The following ZNF469 variants were observed in gnomAD, a reference collection of about 807,000 sequenced individuals.
ZNF469 encodes the protein zinc finger protein 469.
ZNF469 carries 1 observed loss-of-function variant against 1.0 expected under a neutral mutation model. The observed-to-expected ratio is 1.00, with a 90% CI of 0.35 to 4.73. ZNF469 has a LOEUF of 4.73. Among genes scored for constraint, ZNF469 ranks in the 30% most tolerant of loss-of-function variants. The probability of loss-of-function intolerance (pLI) is 0.16; values close to 1 mark genes in which losing one functional copy is unlikely to be tolerated. For synonymous variants in ZNF469, 2,703 were observed against 2,363.4 expected, an observed-to-expected ratio of 1.14 and a Z score of -4.17; for missense variants, 6,100 against 5,356.3, an observed-to-expected ratio of 1.14 and a Z score of -4.33.
chr16:88,251,869 T>A, the ZNF469 span, among the ~76,000 whole-genome samples: 9 of 152,066 alleles, frequency 5.9e-5, no homozygotes, highest in East Asian at 1.5e-3. Flanking sequence ...CCTGCTCTCT[T>A]CTTATGGCTC....
chr16:88,429,216 G>T lies in ZNF469; in HGVS notation c.1746G>T (p.Arg582Ser). 1 of 1,549,684 alleles carries T rather than the reference G, an allele frequency of 6.5e-7. No homozygotes were observed. Residue 582 changes from arginine to serine, a missense_variant, in exon 3 of 3, where the codon AGG (arginine) becomes AGT (serine). Transcript: ENST00000565624. The stretch of plus-strand genomic sequence containing the variant: ...GGACACCCAGCCTGCCCCCACCGAG[G>T]GTAGTGGGAGCCTCCCCCAGCGAGT... ...PHGTPSLPPP[R>S]VVGASPSESP...
the ZNF469 span, among the ~76,000 whole-genome samples, chr16:88,142,909 G>A: frequency 2.0e-5 from 3 of 152,214 alleles, no homozygotes; most frequent in Admixed American, 1.3e-4. Context: ...ACGCACAGGG[G>A]CCTGAGAGCA....
chr16:88,430,928 C>T lies in ZNF469; in HGVS notation c.3458C>T (p.Ala1153Val), dbSNP rs779180717. The T allele has an allele frequency of 1.6e-5, 25 of 1,536,308 alleles. 1 individual carries two copies. In the South Asian group the frequency reaches 2.5e-4, roughly 15 times the overall value. The change falls in exon 3 of 3, where the codon GCG becomes GTG. Residue 1153 changes from alanine to valine, a missense_variant. By Grantham distance (64) the Ala-to-Val change is moderately conservative. Transcript: ENST00000565624. ...GAAGCCGGCGGGGACGGAGCCCCCG[C>T]GAACCCCGAGGAGCCGGGCGGGTCT... ...RQEAGGDGAPANPEEPGGSRP... is the reference protein window; with the variant it reads ...RQEAGGDGAPVNPEEPGGSRP...
chr16:88,431,225 G>A lies in ZNF469; in HGVS notation c.3755G>A (p.Cys1252Tyr), dbSNP rs1296256581. The A allele has an allele frequency of 6.4e-7, 1 of 1,550,400 alleles. No homozygotes were observed. The highest frequency in any genetic ancestry group is 1.2e-5 in the South Asian group (1 of 84,070). ...GCTTTGCGTTCTCCTCCAGCCGCCTGTGCGGGAGAAATGGGAGCAAGCCCC... is the reference window on the plus strand; with the variant it reads ...GCTTTGCGTTCTCCTCCAGCCGCCTATGCGGGAGAAATGGGAGCAAGCCCC... ...TEALRSPPAACAGEMGASPGL... is the reference protein window; with the variant it reads ...TEALRSPPAAYAGEMGASPGL... Residue 1252 changes from cysteine to tyrosine, a missense_variant, in exon 3 of 3, where the codon TGT becomes TAT. Transcript: ENST00000565624.
chr16:88,433,222 G>C lies in ZNF469; in HGVS notation c.5752G>C (p.Gly1918Arg). 1 of 1,550,310 alleles carries C rather than the reference G, an allele frequency of 6.5e-7. No homozygotes were observed. Among genetic ancestry groups the C allele is most frequent in the Non-Finnish European group, 8.7e-7 (1 of 1,146,950 alleles). ...PGPGVAKSKDGILGLQELTPA... is the reference protein window; with the variant it reads ...PGPGVAKSKDRILGLQELTPA... Reference sequence around the variant, plus strand: ...GCCTGGAGTGGCTAAGAGTAAAGATGGCATCCTGGGCTTGCAGGAGCTGAC... The same window carrying C: ...GCCTGGAGTGGCTAAGAGTAAAGATCGCATCCTGGGCTTGCAGGAGCTGAC... The change falls in exon 3 of 3, where the codon GGC becomes CGC. Residue 1918 changes from glycine (G) to arginine (R), a missense_variant. By Grantham distance (125) the Gly-to-Arg change is moderately radical. Transcript: ENST00000565624.
the ZNF469 span, among the ~76,000 whole-genome samples, chr16:88,155,535 G>A: frequency 2.6e-3 from 400 of 152,298 alleles, 2 homozygotes; most frequent in African/African-American, 8.7e-3. Flanking sequence ...GCCAGTTCGG[G>A]ATGTTTCACA....
chr16:88,193,157 TGGTGATGGTGGTGGG>T, the ZNF469 span, among the ~76,000 whole-genome samples: 3 of 38,366 alleles, frequency 7.8e-5, 1 homozygote, highest in Admixed American at 5.8e-4. Context: ...GTGGGGATGG[TGGTGATGGTGGTGGG>T]GATGGTGGTG....
At chr16:88,358,745 G>A in the ZNF469 span, among the ~76,000 whole-genome samples, 23 of 151,872 alleles carry the variant, frequency 1.5e-4, no homozygotes, top group African/African-American at 5.3e-4. Flanking sequence ...TTGAGACCGA[G>A]TCTTGCTATG....
chr16:88,431,856 CA>C lies in ZNF469; in HGVS notation c.4387del (p.Arg1463AspfsTer92). The C allele has an allele frequency of 1.3e-6, 2 of 1,550,120 alleles. No individual in the cohort carries two copies. Among genetic ancestry groups the C allele is most frequent in the Non-Finnish European group, 1.7e-6 (2 of 1,146,920 alleles). On this transcript the variant is annotated frameshift_variant, in exon 3 of 3. Coordinates refer to ENST00000565624, the MANE Select transcript of ZNF469 (RefSeq NM_001367624.2). LOFTEE classifies it low-confidence loss of function (END_TRUNC). ...CCCTCTTCCCAGACCTGCCGGTGGA[CA>C]GATTCGACCCACCCCTCTATGGCAG... Reference protein sequence around the residue: ...SSLFPDLPVDRFDPPLYGSLS... With the variant: ...SSLFPDLPVDXFDPPLYGSLS...
the ZNF469 span, among the ~76,000 whole-genome samples, chr16:88,204,433 C>G: frequency 6.6e-6 from 1 of 152,182 alleles, no homozygotes; most frequent in Non-Finnish European, 1.5e-5. Flanking sequence ...CTGGGAAGCC[C>G]CTGCCATTCT....
At chr16:88,375,569 C>T in the ZNF469 span, among the ~76,000 whole-genome samples, 7 of 152,266 alleles carry the variant, frequency 4.6e-5, no homozygotes, top group Non-Finnish European at 8.8e-5. Context: ...ACCCAGACAT[C>T]GCCCCTGCCG....
At chr16:88,400,185 A>C (rs1349092264) in intron 1 of ZNF469, among the ~76,000 whole-genome samples, 1 of 152,236 alleles carries the variant, frequency 6.6e-6, no homozygotes, top group Non-Finnish European at 1.5e-5. Context: ...GCACCCAGCA[A>C]GGAGGCTGGC....
chr16:88,366,299 TCAC>T, the ZNF469 span, among the ~76,000 whole-genome samples: 1 of 148,802 alleles, frequency 6.7e-6, no homozygotes, highest in African/African-American at 2.5e-5. Flanking sequence ...ACCACCATCA[TCAC>T]CATCATCACT....
intron 2 of ZNF469, among the ~76,000 whole-genome samples, chr16:88,426,579 C>T (rs931401871): frequency 7.2e-5 from 11 of 152,378 alleles, no homozygotes; most frequent in African/African-American, 2.4e-4. Flanking sequence ...GAATGGGAGC[C>T]GGCACCGTCT....
chr16:88,346,238 G>A, the ZNF469 span, among the ~76,000 whole-genome samples: 4 of 152,258 alleles, frequency 2.6e-5, no homozygotes, highest in African/African-American at 9.6e-5. Flanking sequence ...GGTGCAGGCT[G>A]CTGGGTGAGG....
the ZNF469 span, among the ~76,000 whole-genome samples, chr16:88,372,801 C>A: frequency 1.3e-5 from 2 of 150,852 alleles, no homozygotes; most frequent in African/African-American, 4.9e-5. Flanking sequence ...ACCATCACCA[C>A]CATCATTACC....
chr16:88,390,870 G>A (rs781646367), intron 1 of ZNF469, among the ~76,000 whole-genome samples: 1 of 152,234 alleles, frequency 6.6e-6, no homozygotes, highest in Admixed American at 6.5e-5. Flanking sequence ...CCCCAGCAAA[G>A]GAAGCAGCAT....
At chr16:88,281,663 G>C in the ZNF469 span, among the ~76,000 whole-genome samples, 4 of 150,390 alleles carry the variant, frequency 2.7e-5, no homozygotes, top group Admixed American at 6.6e-5. Flanking sequence ...CGGTGCACAG[G>C]TTAGTGCTGT....
At chr16:88,122,152 G>C in the ZNF469 span, among the ~76,000 whole-genome samples, 8,647 of 144,204 alleles carry the variant, frequency 0.06, 529 homozygotes, top group Admixed American at 0.12. Flanking sequence ...ATCACACCCC[G>C]TCACTCGGTA....
Sources: gnomAD v4.1 joint callset for allele counts (sites outside exome capture counted in the v4.1 genomes callset) on GRCh38, gnomAD v4.1.1 for gene constraint, MANE v1.5 for transcripts, NCBI Gene and HGNC (gene_info 2026-07-23, HGNC 2026-07-21) for gene names.